Variants in SPATA6L observed in about 807,000 individuals in gnomAD.
SPATA6L encodes spermatogenesis associated 6 like, also known as spermatogenesis associated 6-like protein.
In SPATA6L, 68 loss-of-function variants were observed where a neutral mutation model predicts 49.2. That is an observed-to-expected ratio of 1.38 (90% CI 1.14 to 1.69). The LOEUF is 1.69. Ranked by LOEUF, SPATA6L falls within the 40% of genes most tolerant of loss-of-function variation. The pLI is 0.00. For missense variants in SPATA6L, 668 were observed against 464.3 expected (o/e 1.44, Z -4.03); for synonymous variants, 198 against 165.7 (o/e 1.19, Z -1.50).
intron 2 of SPATA6L, among the ~76,000 whole-genome samples, chr9:4,656,854 A>G (rs1335534091): frequency 6.6e-6 from 1 of 152,228 alleles, no homozygotes; most frequent in Non-Finnish European, 1.5e-5. Flanking sequence ...TTCTCTCTCC[A>G]AGCAATTGGT....
intron 3 of SPATA6L, among the ~76,000 whole-genome samples, chr9:4,638,404 G>A (rs1833272641): frequency 6.6e-6 from 1 of 152,092 alleles, no homozygotes; most frequent in Admixed American, 6.6e-5. Flanking sequence ...GTAGACACGG[G>A]GTTTCACCAC....
rs1197808138 is a variant in SPATA6L, at chr9:4,599,926, G to T, written c.*885C>A. Among the ~76,000 whole-genome samples, 2 of 152,078 alleles carry T rather than the reference G, an allele frequency of 1.3e-5. No individual in the cohort carries two copies. Among genetic ancestry groups the T allele is most frequent in the East Asian group, 3.9e-4 (2 of 5,194 alleles). On this transcript the variant is annotated 3_prime_UTR_variant, in exon 12 of 12. Coordinates refer to ENST00000682582, the MANE Select transcript of SPATA6L (RefSeq NM_001353486.2). ...TCCATTTTCAGGCCCCTCTTCTCTG[G>T]GTCTGTATCAATGAAGACAAATGTG...
chr9:4,594,033 G>C (rs779623508), downstream of SPATA6L, among the ~76,000 whole-genome samples: 1 of 152,172 alleles, frequency 6.6e-6, no homozygotes, highest in African/African-American at 2.4e-5. Flanking sequence ...AAAGTCTACA[G>C]CTGCCCTTGG....
chr9:4,662,775 A>G lies in SPATA6L; in HGVS notation c.40-739T>C, dbSNP rs1189098761. On this transcript the variant is annotated intron_variant, in intron 1 of 11. Transcript: ENST00000682582. This position sits in a 1 kb window ranked among gnomAD's most constrained non-coding sequence, Gnocchi z 4.9. Reference sequence around the variant, plus strand: ...GTCGTGGGGCAGCGTGCGACCCCTTATGAAGCTGCTGGAGATCTCGGGACA... The same window carrying G: ...GTCGTGGGGCAGCGTGCGACCCCTTGTGAAGCTGCTGGAGATCTCGGGACA... The G allele has an allele frequency of 6.2e-7, 1 of 1,604,982 alleles. No homozygotes were observed. Among genetic ancestry groups the G allele is most frequent in the Non-Finnish European group, 8.5e-7 (1 of 1,179,904 alleles).
intron 4 of SPATA6L, among the ~76,000 whole-genome samples, chr9:4,630,182 T>G (rs1831238562): frequency 6.6e-6 from 1 of 151,980 alleles, no homozygotes; most frequent in South Asian, 2.1e-4. Context: ...ATGAGGGGGA[T>G]TTTAGGAGGG....
chr9:4,662,013 C>CA lies in SPATA6L; in HGVS notation c.62dup (p.Pro22AlafsTer37), dbSNP rs1290627992. On this transcript the variant is annotated frameshift_variant, in exon 2 of 12. Coordinates refer to ENST00000682582, the MANE Select transcript of SPATA6L (RefSeq NM_001353486.2). LOFTEE classifies it high-confidence loss of function. The surrounding 1 kb of genome is among the most constrained non-coding windows in gnomAD (Gnocchi z 4.9). ...CGAGGTACACATCTTGTTTGCCAGG[C>CA]AGGAACACTCCTGGGCAAGAAATCT... 1 of 1,614,072 alleles carries CA rather than the reference C, an allele frequency of 6.2e-7. No individual in the cohort carries two copies. The highest frequency in any genetic ancestry group is 2.2e-5 in the East Asian group (1 of 44,880).
intron 10 of SPATA6L, among the ~76,000 whole-genome samples, chr9:4,605,096 T>C (rs1036239813): frequency 2.0e-4 from 30 of 152,096 alleles, no homozygotes; most frequent in Non-Finnish European, 1.0e-4. Flanking sequence ...GTGCACCAAA[T>C]TAGCTGCTAC....
At chr9:4,634,315 A>T (rs1011760452) in intron 4 of SPATA6L, among the ~76,000 whole-genome samples, 6 of 152,254 alleles carry the variant, frequency 3.9e-5, no homozygotes, top group African/African-American at 9.6e-5. Flanking sequence ...CCATGGATTT[A>T]AATGATACAT....
downstream of SPATA6L, among the ~76,000 whole-genome samples, chr9:4,593,701 C>G (rs1822050961): frequency 6.6e-6 from 1 of 152,206 alleles, no homozygotes; most frequent in African/African-American, 2.4e-5. Flanking sequence ...TCAATTTTTA[C>G]TCTTCTGCAA....
chr9:4,656,457 G>A (rs868062006), intron 2 of SPATA6L, among the ~76,000 whole-genome samples: 4 of 135,904 alleles, frequency 2.9e-5, no homozygotes, highest in Non-Finnish European at 4.6e-5. Context: ...AGGAAGGAAG[G>A]AAGGAAGGAA....
At chr9:4,623,625 T>C (rs1006135648) in intron 6 of SPATA6L, among the ~76,000 whole-genome samples, 17 of 152,028 alleles carry the variant, frequency 1.1e-4, no homozygotes, top group Admixed American at 2.0e-4. Context: ...TCTGACTAAA[T>C]AAAAAAATTA....
chr9:4,608,002 C>T (rs1825734910), intron 9 of SPATA6L, among the ~76,000 whole-genome samples: 2 of 116,578 alleles, frequency 1.7e-5, no homozygotes, highest in Admixed American at 8.3e-5. Flanking sequence ...ATCCTAGTCT[C>T]GGATAAAACA....
At chr9:4,592,180 T>C (rs1821945364) in intron 13 of SPATA6L, among the ~76,000 whole-genome samples, 1 of 151,958 alleles carries the variant, frequency 6.6e-6, no homozygotes, top group Non-Finnish European at 1.5e-5. Flanking sequence ...CCAGGTGTAG[T>C]GGCACATGCC....
chr9:4,605,263 A>C, intron 10 of SPATA6L, 84 bp downstream of exon 10: 1 of 1,021,248 alleles, frequency 9.8e-7, no homozygotes, highest in East Asian at 2.4e-5. Context: ...TATTTGATTA[A>C]TGTCTGTCTC....
At chr9:4,609,412 A>G (rs567240189) in intron 9 of SPATA6L, among the ~76,000 whole-genome samples, 1 of 152,174 alleles carries the variant, frequency 6.6e-6, no homozygotes, top group Admixed American at 6.6e-5. Flanking sequence ...TACTGGCAAA[A>G]CGAATCCAGC....
At chr9:4,626,763 T>TA in intron 5 of SPATA6L, 1 of 319,544 alleles carries the variant, frequency 3.1e-6, no homozygotes, top group Non-Finnish European at 6.1e-6. Flanking sequence ...CCAGACAGAT[T>TA]ACAGTACTTC....
intron 13 of SPATA6L, among the ~76,000 whole-genome samples, chr9:4,590,131 C>T (rs1220576509): frequency 2.0e-5 from 3 of 152,158 alleles, no homozygotes; most frequent in Non-Finnish European, 4.4e-5. Context: ...ACCATGTCGG[C>T]CAGGCTGGTC....
At position 4,598,355 on chromosome 9, in the gene SPATA6L, T is replaced by G. The variant is rs575565283; in HGVS notation, c.*2456A>C. ...TTTAATGACACAGATCTTCCCAAAG[T>G]AATCCAAACCCCAAAACATCACAAA... On this transcript the variant is annotated 3_prime_UTR_variant, in exon 12 of 12. Coordinates refer to ENST00000682582, the MANE Select transcript of SPATA6L (RefSeq NM_001353486.2). Among the ~76,000 whole-genome samples, 22 of 152,206 alleles carry G rather than the reference T, an allele frequency of 1.4e-4. No individual in the cohort carries two copies. The highest frequency in any genetic ancestry group is 6.5e-4 in the Admixed American group (10 of 15,276).
At chr9:4,615,140 A>G (rs1336058046) in intron 9 of SPATA6L, among the ~76,000 whole-genome samples, 1 of 152,196 alleles carries the variant, frequency 6.6e-6, no homozygotes, top group Non-Finnish European at 1.5e-5. Flanking sequence ...CCTCAAGGCC[A>G]CATGAAAGCA....
Sources: gnomAD v4.1 joint callset for allele counts (sites outside exome capture counted in the v4.1 genomes callset) on GRCh38, gnomAD v4.1.1 for gene constraint, Gnocchi (gnomAD v3.1) non-coding constraint, MANE v1.5 for transcripts, NCBI Gene and HGNC (gene_info 2026-07-23, HGNC 2026-07-21) for gene names.